Variants in C1QTNF3 observed in about 807,000 individuals in gnomAD.
C1QTNF3 encodes C1q and TNF related 3.
In C1QTNF3, 26 loss-of-function variants were observed where a neutral mutation model predicts 32.6. The observed-to-expected ratio is 0.80, with a 90% CI of 0.58 to 1.11. The LOEUF (loss-of-function observed/expected upper bound fraction) is 1.11. Among genes scored for constraint, C1QTNF3 ranks in the 50% least tolerant of loss-of-function variants. The pLI is 0.00. For missense variants in C1QTNF3, 362 were observed against 398.2 expected (o/e 0.91, Z 0.77); for synonymous variants, 155 against 146.0 (o/e 1.06, Z -0.44).
At chr5:34,037,291 A>G (rs913644489) in intron 1 of C1QTNF3, among the ~76,000 whole-genome samples, 1 of 152,214 alleles carries the variant, frequency 6.6e-6, no homozygotes, top group Non-Finnish European at 1.5e-5. Context: ...GATTCATGAA[A>G]AAAATGAAGC....
chr5:34,126,142 A>G, the C1QTNF3 span, among the ~76,000 whole-genome samples: 1 of 152,266 alleles, frequency 6.6e-6, no homozygotes, highest in African/African-American at 2.4e-5. Flanking sequence ...TGCCTATAAT[A>G]TCTCATACTT....
At chr5:34,134,974 G>C in the C1QTNF3 span, among the ~76,000 whole-genome samples, 8 of 152,306 alleles carry the variant, frequency 5.3e-5, no homozygotes, top group East Asian at 5.8e-4. Flanking sequence ...TAGGAGTGGT[G>C]AGAGAGGGCA....
the C1QTNF3 span, among the ~76,000 whole-genome samples, chr5:34,169,497 T>C: frequency 6.6e-6 from 1 of 152,180 alleles, no homozygotes; most frequent in East Asian, 1.9e-4. Context: ...GAATTTCTTA[T>C]ATATTTTGAA....
chr5:34,142,623 A>G, the C1QTNF3 span, among the ~76,000 whole-genome samples: 1 of 152,156 alleles, frequency 6.6e-6, no homozygotes, highest in African/African-American at 2.4e-5. Context: ...TACTGTCATT[A>G]CTCTTACGTG....
the C1QTNF3 span, among the ~76,000 whole-genome samples, chr5:34,136,140 T>C: frequency 1.3e-5 from 2 of 152,078 alleles, no homozygotes; most frequent in Non-Finnish European, 2.9e-5. Context: ...AAAGCCAAAA[T>C]TGACAAATGG....
chr5:34,062,379 C>T, the C1QTNF3 span, among the ~76,000 whole-genome samples: 5 of 152,196 alleles, frequency 3.3e-5, no homozygotes, highest in Non-Finnish European at 7.4e-5. Flanking sequence ...AGGAATATGC[C>T]CTAATTATTG....
the C1QTNF3 span, among the ~76,000 whole-genome samples, chr5:34,070,427 T>C: frequency 2.6e-5 from 4 of 152,212 alleles, no homozygotes; most frequent in South Asian, 2.1e-4. Flanking sequence ...ATAAAACTTA[T>C]AAAACTATGA....
At chr5:34,197,767 G>T in the C1QTNF3 span, among the ~76,000 whole-genome samples, 26 of 152,082 alleles carry the variant, frequency 1.7e-4, no homozygotes, top group South Asian at 4.4e-3. Flanking sequence ...CATAGACAGG[G>T]TAGCTTATAA....
the C1QTNF3 span, among the ~76,000 whole-genome samples, chr5:34,211,964 G>T: frequency 6.6e-6 from 1 of 152,102 alleles, no homozygotes; most frequent in Non-Finnish European, 1.5e-5. Context: ...TAAGCCAAAA[G>T]AACAAAGCTG....
At chr5:34,119,504 G>A in the C1QTNF3 span, among the ~76,000 whole-genome samples, 1 of 151,978 alleles carries the variant, frequency 6.6e-6, no homozygotes, top group African/African-American at 2.4e-5. Flanking sequence ...GTTTTCTATT[G>A]CAGCTATAAG....
the C1QTNF3 span, among the ~76,000 whole-genome samples, chr5:34,129,585 G>A: frequency 6.6e-6 from 1 of 151,992 alleles, no homozygotes; most frequent in Non-Finnish European, 1.5e-5. Flanking sequence ...ATAAATGTAA[G>A]TGATTATAAT....
At chr5:34,085,908 C>T in the C1QTNF3 span, among the ~76,000 whole-genome samples, 35 of 151,256 alleles carry the variant, frequency 2.3e-4, no homozygotes, top group East Asian at 6.6e-3. Flanking sequence ...AGAACTAGAA[C>T]TACCATTTGA....
chr5:34,168,281 A>ATGTGTGTG, the C1QTNF3 span: 13 of 144,068 alleles, frequency 9.0e-5, no homozygotes, highest in African/African-American at 3.3e-4. Context: ...GTGTGTGTGC[A>ATGTGTGTG]TGCGTGTGTG....
the C1QTNF3 span, among the ~76,000 whole-genome samples, chr5:34,072,365 AAG>A: frequency 1.7e-5 from 2 of 117,880 alleles, no homozygotes; most frequent in Admixed American, 1.7e-4. Flanking sequence ...AAAATTAAAA[AAG>A]AAAGAGAAAG....
the C1QTNF3 span, among the ~76,000 whole-genome samples, chr5:34,058,752 T>C: frequency 8.5e-5 from 13 of 152,210 alleles, no homozygotes; most frequent in African/African-American, 3.1e-4. Flanking sequence ...AAGGCCACTA[T>C]TGGCATCACA....
chr5:34,030,253 A>T, intron 3 of C1QTNF3, among the ~76,000 whole-genome samples: 1 of 152,218 alleles, frequency 6.6e-6, no homozygotes, highest in East Asian at 1.9e-4. Context: ...CAAATACTTT[A>T]TGTGTAATCT....
At chr5:34,035,122 T>G (rs1252138882) in intron 2 of C1QTNF3, among the ~76,000 whole-genome samples, 1 of 152,194 alleles carries the variant, frequency 6.6e-6, no homozygotes, top group Non-Finnish European at 1.5e-5. Flanking sequence ...CACTCTCCTA[T>G]GCCTGGTGGC....
At chr5:34,079,992 T>C in the C1QTNF3 span, among the ~76,000 whole-genome samples, 1,882 of 151,872 alleles carry the variant, frequency 0.012, 25 homozygotes, top group South Asian at 0.029. Context: ...GATGAGTAAG[T>C]GCATGGCATA....
At chr5:34,228,087 T>C in the C1QTNF3 span, among the ~76,000 whole-genome samples, 1 of 151,866 alleles carries the variant, frequency 6.6e-6, no homozygotes, top group Non-Finnish European at 1.5e-5. Context: ...TGTCAATTAA[T>C]CAGACTTCAC....
Sources: gnomAD v4.1 joint callset for allele counts (sites outside exome capture counted in the v4.1 genomes callset) on GRCh38, gnomAD v4.1.1 for gene constraint, MANE v1.5 for transcripts, NCBI Gene and HGNC (gene_info 2026-07-23, HGNC 2026-07-21) for gene names.